Variants in TUBGCP2 observed in about 807,000 individuals in gnomAD.
TUBGCP2 encodes gamma-tubulin complex component 2.
TUBGCP2 carries 55 observed loss-of-function variants against 92.2 expected under a neutral mutation model. That is an observed-to-expected ratio of 0.60 (90% CI 0.48 to 0.75). TUBGCP2 has a LOEUF of 0.75. Among genes scored for constraint, TUBGCP2 ranks in the 30% least tolerant of loss-of-function variants. The pLI is 0.00. For missense variants in TUBGCP2, 1,093 were observed against 1,188.9 expected (o/e 0.92, Z 1.19); for synonymous variants, 533 against 505.2 (o/e 1.06, Z -0.74).
chr10:133,281,816 G>A (rs1383910410), intron 16 of TUBGCP2, among the ~76,000 whole-genome samples: 9 of 152,360 alleles, frequency 5.9e-5, no homozygotes, highest in Non-Finnish European at 1.5e-5. Flanking sequence ...ACACGGGACT[G>A]CCCACCCCAC....
chr10:133,293,306 G>A, intron 6 of TUBGCP2, 68 bp from the exon 7 acceptor site: 4 of 1,550,532 alleles, frequency 2.6e-6, no homozygotes, highest in Non-Finnish European at 3.5e-6. Context: ...CCGATATTCT[G>A]AGTCTCATCC....
chr10:133,303,560 T>C (rs1428067635), intron 1 of TUBGCP2, among the ~76,000 whole-genome samples: 1 of 152,212 alleles, frequency 6.6e-6, no homozygotes, highest in African/African-American at 2.4e-5. Flanking sequence ...CAGGGAGCTC[T>C]GTGCAGGCCC....
intron 13 of TUBGCP2, among the ~76,000 whole-genome samples, chr10:133,284,770 G>C (rs1251416025): frequency 6.6e-6 from 1 of 152,158 alleles, no homozygotes; most frequent in Non-Finnish European, 1.5e-5. Flanking sequence ...GTCCGCTCTC[G>C]GGAGGAGCTA....
chr10:133,294,647 ACT>A (rs1352779644), intron 5 of TUBGCP2, among the ~76,000 whole-genome samples: 2 of 148,792 alleles, frequency 1.3e-5, no homozygotes, highest in Non-Finnish European at 1.5e-5. Flanking sequence ...GACAAATCTC[ACT>A]CTGTCACCCA....
chr10:133,280,448 C>A (rs1188215612), intron 17 of TUBGCP2, among the ~76,000 whole-genome samples: 1 of 152,228 alleles, frequency 6.6e-6, no homozygotes, highest in Non-Finnish European at 1.5e-5. Context: ...GACAGCACCC[C>A]CAAGGGCACC....
upstream of TUBGCP2, chr10:133,311,752 GC>G: frequency 6.2e-7 from 1 of 1,613,738 alleles, no homozygotes; most frequent in Non-Finnish European, 8.5e-7. Context: ...ACAGTGGAGA[GC>G]GGTCAGAAGG....
At chr10:133,297,856 G>T in intron 5 of TUBGCP2, 96 bp downstream of exon 5, 1 of 1,543,552 alleles carries the variant, frequency 6.5e-7, no homozygotes, top group East Asian at 2.3e-5. Flanking sequence ...CTGCCCAGAG[G>T]CCAGAAATAA....
intron 14 of TUBGCP2, among the ~76,000 whole-genome samples, chr10:133,283,465 G>C (rs1468116023): frequency 1.3e-5 from 2 of 152,248 alleles, no homozygotes; most frequent in Non-Finnish European, 2.9e-5. Context: ...CTGGAATTTG[G>C]TACCAACAGA....
chr10:133,305,963 A>T (rs1314451873), intron 1 of TUBGCP2, among the ~76,000 whole-genome samples: 1 of 152,252 alleles, frequency 6.6e-6, no homozygotes, highest in African/African-American at 2.4e-5. Flanking sequence ...TTCTTCTGAA[A>T]AGGGGAAGCC....
At chr10:133,288,444 A>G in intron 10 of TUBGCP2, 135 bp from the exon 11 acceptor site, 5 of 1,094,290 alleles carry the variant, frequency 4.6e-6, no homozygotes, top group South Asian at 1.6e-5. Flanking sequence ...GCCCACCCGC[A>G]GGTGCCCGCC....
rs750840725 is a variant in TUBGCP2 at position 133,299,447 on chromosome 10, T to C, written c.436A>G (p.Thr146Ala). The change falls in exon 4 of 18, where the codon ACA (threonine) becomes GCA (alanine). Residue 146 changes from threonine to alanine, a missense_variant. By Grantham distance (58) the Thr-to-Ala change is moderately conservative. Coordinates refer to ENST00000252936, the MANE Select transcript of TUBGCP2 (RefSeq NM_006659.4). ...AGTACCTGCTGCAGCGTGGAGCCTGTGGCCACGCTGCCAAGCTGCTTCCTC... is the reference window on the plus strand; with the variant it reads ...AGTACCTGCTGCAGCGTGGAGCCTGCGGCCACGCTGCCAAGCTGCTTCCTC... Reference protein sequence around the residue: ...ELRKQLGSVATGSTLQQSLEL... With the variant: ...ELRKQLGSVAAGSTLQQSLEL... 36 of 1,606,944 alleles carry C rather than the reference T, an allele frequency of 2.2e-5. No homozygotes were observed. The highest frequency in any genetic ancestry group is 3.1e-5 in the Non-Finnish European group (36 of 1,179,086).
intron 1 of TUBGCP2, among the ~76,000 whole-genome samples, chr10:133,304,477 TGAG>T (rs1326081842): frequency 2.6e-5 from 4 of 152,188 alleles, no homozygotes; most frequent in Admixed American, 6.5e-5. Context: ...TTTTATTTTC[TGAG>T]GAGATGACCC....
Position 133,293,717 on chromosome 10 carries a change from G to C in TUBGCP2, c.669C>G (p.Tyr223Ter). Residue 223 changes from tyrosine to a stop codon, truncating the protein, a stop_gained, in exon 6 of 18, where the codon TAC becomes TAG. Coordinates refer to ENST00000252936, the MANE Select transcript of TUBGCP2 (RefSeq NM_006659.4). LOFTEE classifies it high-confidence loss of function. ...QESAVVEDLL[Y>*]VLVGVDGRYV... ...ACCTCCCGTCCACGCCCACCAGCAC[G>C]TACAGCAGGTCCTCCACCACGGCCG... The C allele has an allele frequency of 6.2e-7, 1 of 1,605,184 alleles. No homozygotes were observed. Among genetic ancestry groups the C allele is most frequent in the South Asian group, 1.1e-5 (1 of 89,358 alleles).
At chr10:133,290,367 C>T (rs891008233) in intron 8 of TUBGCP2, 1 of 171,494 alleles carries the variant, frequency 5.8e-6, no homozygotes. Context: ...GTGGTGTGCA[C>T]CTGTAGTCCC....
chr10:133,310,059 G>T (rs1468042123), upstream of TUBGCP2: 1 of 1,609,058 alleles, frequency 6.2e-7, no homozygotes, highest in East Asian at 2.2e-5. Context: ...TCGGGTGCTC[G>T]GGCAAGGCCG....
intron 1 of TUBGCP2, chr10:133,308,521 G>A (rs1013184718): frequency 6.5e-6 from 1 of 154,860 alleles, no homozygotes; most frequent in South Asian, 2.1e-4. Flanking sequence ...GCGGACGGGA[G>A]AGGGCGTGCG....
intron 4 of TUBGCP2, among the ~76,000 whole-genome samples, chr10:133,298,427 G>T (rs911183778): frequency 1.3e-5 from 2 of 152,240 alleles, no homozygotes; most frequent in East Asian, 3.9e-4. Flanking sequence ...GCACAGAGCC[G>T]CTGTTTCAAA....
intron 1 of TUBGCP2, among the ~76,000 whole-genome samples, chr10:133,305,965 G>C (rs1341945785): frequency 1.3e-5 from 2 of 152,228 alleles, no homozygotes; most frequent in East Asian, 3.9e-4. Flanking sequence ...CTTCTGAAAA[G>C]GGGAAGCCCT....
chr10:133,279,408 C>T lies in TUBGCP2; in HGVS notation c.*358G>A. Reference sequence around the variant, plus strand: ...CCGACAGACCTCAGGAAGCCCGGCCCCAGCTCACCCGGAAAGATGTGGACA... The same window carrying T: ...CCGACAGACCTCAGGAAGCCCGGCCTCAGCTCACCCGGAAAGATGTGGACA... On this transcript the variant is annotated 3_prime_UTR_variant, in exon 18 of 18. Coordinates refer to ENST00000252936, the MANE Select transcript of TUBGCP2 (RefSeq NM_006659.4). The T allele has an allele frequency of 4.4e-6, 1 of 225,506 alleles. No individual in the cohort carries two copies. Among genetic ancestry groups the T allele is most frequent in the South Asian group, 6.6e-5 (1 of 15,202 alleles). The allele number at this position is 225,506 out of a possible 1,614,324, so 14.0% of individuals were successfully genotyped here.
Sources: gnomAD v4.1 joint callset for allele counts (sites outside exome capture counted in the v4.1 genomes callset) on GRCh38, gnomAD v4.1.1 for gene constraint, MANE v1.5 for transcripts, NCBI Gene and HGNC (gene_info 2026-07-23, HGNC 2026-07-21) for gene names.